SETD3: variants seen among roughly 807,000 people sequenced by gnomAD.
SETD3 encodes SET domain containing 3, actin N3(tau)-histidine methyltransferase.
SETD3 carries 19 observed loss-of-function variants against 63.0 expected under a neutral mutation model. The observed-to-expected ratio is 0.30, with a 90% CI of 0.21 to 0.44. The LOEUF (loss-of-function observed/expected upper bound fraction) is 0.44. Ranked by LOEUF, SETD3 falls within the 20% of genes least tolerant of loss-of-function variation. SETD3 has a pLI of 1.00. For missense variants in SETD3, 587 were observed against 728.5 expected, an observed-to-expected ratio of 0.81 and a Z score of 2.24; for synonymous variants, 286 against 264.1, an observed-to-expected ratio of 1.08 and a Z score of -0.80.
intron 6 of SETD3, among the ~76,000 whole-genome samples, chr14:99,429,034 T>C (rs1425037653): frequency 1.3e-5 from 2 of 152,086 alleles, no homozygotes; most frequent in African/African-American, 4.8e-5. Context: ...AACTTCTGGG[T>C]GTACTTCTCA....
chr14:99,410,079 C>G (rs553827871), intron 8 of SETD3: 1 of 784,494 alleles, frequency 1.3e-6, no homozygotes, highest in East Asian at 2.5e-5. Flanking sequence ...GGCGGATGAG[C>G]TGGAGGCGTA....
chr14:99,409,019 T>C (rs1891831833), intron 8 of SETD3, among the ~76,000 whole-genome samples: 1 of 152,160 alleles, frequency 6.6e-6, no homozygotes, highest in South Asian at 2.1e-4. Context: ...CTGCAGACGC[T>C]GACCAGGTCT....
rs1894890645 is a variant in SETD3, at chr14:99,458,542, T to C, written c.419-7A>G. 1 of 1,611,726 alleles carries C rather than the reference T, an allele frequency of 6.2e-7. No homozygotes were observed. The highest frequency in any genetic ancestry group is 1.3e-5 in the African/African-American group (1 of 74,888). On this transcript the variant is annotated splice_polypyrimidine_tract_variant and splice_region_variant and intron_variant, in intron 5 of 12. Transcript: ENST00000331768. ...TCTTGAGAATATAAGGGCCCTGAATTAACCCAGAAGTTAACAGCGTAAGTT... is the reference window on the plus strand; with the variant it reads ...TCTTGAGAATATAAGGGCCCTGAATCAACCCAGAAGTTAACAGCGTAAGTT...
At chr14:99,460,032 A>C (rs1894982307) in intron 4 of SETD3, among the ~76,000 whole-genome samples, 1 of 152,190 alleles carries the variant, frequency 6.6e-6, no homozygotes, top group African/African-American at 2.4e-5. Context: ...ATCCACACAA[A>C]TACTGCCTTG....
intron 6 of SETD3, among the ~76,000 whole-genome samples, chr14:99,437,664 C>G (rs1028246800): frequency 6.6e-6 from 1 of 151,994 alleles, no homozygotes; most frequent in East Asian, 1.9e-4. Flanking sequence ...GATGTGTGTG[C>G]GTGCCTGTAC....
intron 6 of SETD3, among the ~76,000 whole-genome samples, chr14:99,438,500 G>A (rs1005060613): frequency 1.3e-5 from 2 of 152,220 alleles, no homozygotes; most frequent in African/African-American, 2.4e-5. Flanking sequence ...CTTCAAAACA[G>A]AGAAAGGTTA....
chr14:99,404,393 C>A (rs919569270), intron 10 of SETD3, 83 bp from the exon 11 acceptor site: 1 of 1,217,614 alleles, frequency 8.2e-7, no homozygotes, highest in Admixed American at 1.7e-5. Flanking sequence ...GTCTACAGCA[C>A]GTGTGGTTGT....
At chr14:99,427,011 G>A (rs1424688568) in intron 6 of SETD3, among the ~76,000 whole-genome samples, 1 of 152,234 alleles carries the variant, frequency 6.6e-6, no homozygotes, top group African/African-American at 2.4e-5. Context: ...AGGCGGTGAT[G>A]TCAGGGTTTT....
At chr14:99,419,988 C>T (rs1334093757) in intron 6 of SETD3, among the ~76,000 whole-genome samples, 4 of 152,154 alleles carry the variant, frequency 2.6e-5, no homozygotes, top group South Asian at 2.1e-4. Flanking sequence ...TGAGCACCTC[C>T]GAAGTGGAAG....
At chr14:99,407,942 C>G (rs1891777261) in intron 8 of SETD3, among the ~76,000 whole-genome samples, 1 of 152,182 alleles carries the variant, frequency 6.6e-6, no homozygotes, top group African/African-American at 2.4e-5. Context: ...AAAGGGTCCC[C>G]AGCTTCTATT....
At chr14:99,468,692 T>C (rs571435707) in intron 1 of SETD3, among the ~76,000 whole-genome samples, 7 of 152,304 alleles carry the variant, frequency 4.6e-5, no homozygotes, top group African/African-American at 1.7e-4. Context: ...TCACTAACTC[T>C]TGGTTCTCTC....
At chr14:99,420,832 G>A (rs1252914763) in intron 6 of SETD3, among the ~76,000 whole-genome samples, 3 of 145,824 alleles carry the variant, frequency 2.1e-5, no homozygotes, top group East Asian at 4.2e-4. Context: ...AACTCACCCC[G>A]AACATGTAGC....
At chr14:99,463,221 T>A (rs1202124699) in intron 3 of SETD3, among the ~76,000 whole-genome samples, 4 of 152,238 alleles carry the variant, frequency 2.6e-5, no homozygotes, top group African/African-American at 4.8e-5. Flanking sequence ...TGTAAATAAA[T>A]AAAATTGTAT....
At chr14:99,481,170 G>A (rs1227667172), upstream of SETD3, 2 of 373,500 alleles carry the variant, frequency 5.4e-6, no homozygotes, top group Non-Finnish European at 9.5e-6. Flanking sequence ...AGCAGGTTCG[G>A]TTGCTCCAGA....
intron 6 of SETD3, among the ~76,000 whole-genome samples, chr14:99,440,812 C>A (rs147082430): frequency 5.4e-5 from 8 of 148,692 alleles, no homozygotes; most frequent in African/African-American, 9.9e-5. Context: ...TTGGAAAATA[C>A]AGAAAGCACT....
chr14:99,477,855 AAATT>A (rs1222605678), intron 1 of SETD3, among the ~76,000 whole-genome samples: 4 of 151,842 alleles, frequency 2.6e-5, no homozygotes, highest in Admixed American at 6.5e-5. Context: ...AATATTATGT[AAATT>A]AATTCTATTT....
intron 1 of SETD3, among the ~76,000 whole-genome samples, chr14:99,471,189 A>G (rs745528393): frequency 1.3e-4 from 20 of 152,230 alleles, no homozygotes; most frequent in Non-Finnish European, 2.8e-4. Context: ...CATAGGATCT[A>G]ATATAGTGTC....
rs1032708641 is a variant in SETD3 at position 99,398,757 on chromosome 14, A to G, written c.1707T>C (p.Ser569=). Residue 569 remains serine, a synonymous_variant, in exon 13 of 13, where the codon AGT becomes AGC. Coordinates refer to ENST00000331768, the MANE Select transcript of SETD3 (RefSeq NM_032233.3). ...CTGCTCTTTTACTTTCTTGATTGAG[A>G]CTTTCATTTTCGGACCTGGTCCCAT... is the stretch of plus-strand genomic sequence containing the variant. ...IPNGTRSENE[S]LNQESKRAVE... The G allele has an allele frequency of 1.7e-5, 27 of 1,614,004 alleles. No individual in the cohort carries two copies. Among genetic ancestry groups the G allele is most frequent in the Non-Finnish European group, 2.3e-5 (27 of 1,180,048 alleles).
intron 6 of SETD3, among the ~76,000 whole-genome samples, chr14:99,439,256 T>C (rs1249433081): frequency 6.6e-6 from 1 of 152,212 alleles, no homozygotes; most frequent in Non-Finnish European, 1.5e-5. Flanking sequence ...TCTCAAGTTC[T>C]TCCATACATG....
Sources: gnomAD v4.1 joint callset for allele counts (sites outside exome capture counted in the v4.1 genomes callset) on GRCh38, gnomAD v4.1.1 for gene constraint, MANE v1.5 for transcripts, NCBI Gene and HGNC (gene_info 2026-07-23, HGNC 2026-07-21) for gene names.